GLP2R: variants seen among roughly 807,000 people sequenced by gnomAD.
The protein encoded by GLP2R is glucagon like peptide 2 receptor, also known as glucagon-like peptide 2 receptor.
Under a neutral mutation model 68.2 loss-of-function variants are expected in GLP2R, and 59 were observed. The ratio of observed to expected loss-of-function variants is 0.87; its 90% CI spans 0.70 to 1.07. The LOEUF (loss-of-function observed/expected upper bound fraction) is 1.07. GLP2R is among the 50% of genes least tolerant of loss of function. The pLI, the probability that GLP2R is intolerant of heterozygous loss-of-function variation, is 0.00. For missense variants in GLP2R, 548 were observed against 677.4 expected, an observed-to-expected ratio of 0.81 and a Z score of 2.12; for synonymous variants, 270 against 265.4, an observed-to-expected ratio of 1.02 and a Z score of -0.17.
intron 4 of GLP2R, among the ~76,000 whole-genome samples, chr17:9,854,201 G>A (rs940668): frequency 0.91 from 138,578 of 152,260 alleles, 63,334 homozygotes; most frequent in East Asian, 1. Context: ...TGTTCTGAAC[G>A]CAATTCCTTT....
At chr17:9,867,511 A>G (rs555097141) in intron 9 of GLP2R, among the ~76,000 whole-genome samples, 1 of 152,302 alleles carries the variant, frequency 6.6e-6, no homozygotes, top group South Asian at 2.1e-4. Context: ...CTTTCTTTGT[A>G]TAAGACTTCA....
At chr17:9,845,693 C>T (rs111922124) in intron 4 of GLP2R, among the ~76,000 whole-genome samples, 1,623 of 151,728 alleles carry the variant, frequency 0.011, 15 homozygotes, top group Non-Finnish European at 0.015. Flanking sequence ...TTTTTGGTGT[C>T]TGTGATGGTA....
chr17:9,872,586 A>G (rs1429837245), intron 10 of GLP2R, among the ~76,000 whole-genome samples: 1 of 152,178 alleles, frequency 6.6e-6, no homozygotes. Flanking sequence ...TCAAAAACAA[A>G]CAAACAAAAA....
chr17:9,834,650 C>T (rs2066710756), intron 2 of GLP2R: 1 of 152,402 alleles, frequency 6.6e-6, no homozygotes, highest in Admixed American at 6.5e-5. Flanking sequence ...CCGGCTCCGG[C>T]TGCTTTCAGA....
At chr17:9,872,547 G>A (rs986134494) in intron 10 of GLP2R, among the ~76,000 whole-genome samples, 3 of 152,110 alleles carry the variant, frequency 2.0e-5, no homozygotes, top group African/African-American at 7.2e-5. Context: ...ATTGTACTCC[G>A]GCCTGGGTGA....
chr17:9,870,342 G>A (rs1052795199), intron 9 of GLP2R, among the ~76,000 whole-genome samples: 3 of 152,176 alleles, frequency 2.0e-5, no homozygotes, highest in Non-Finnish European at 4.4e-5. Flanking sequence ...ATGGTGCTAA[G>A]TACTAAGTGA....
chr17:9,881,450 G>A lies in GLP2R; in HGVS notation c.1284+934G>A, dbSNP rs957711886. On this transcript the variant is annotated intron_variant, in intron 11 of 12. Transcript: ENST00000262441. ...GGCTGGAGTGCAGTGGCGGGATCTC[G>A]GCTCACTGCAAGCTCCGCCTCCCGG... Among the ~76,000 whole-genome samples the A allele has an allele frequency of 2.8e-5, 4 of 141,788 alleles. No individual in the cohort carries two copies. The South Asian group carries it at 8.8e-4, about 31-fold the overall frequency. The allele number at this position is 141,788 out of a possible 152,430, so 93.0% of individuals were successfully genotyped here. A position where few individuals can be genotyped will look rare whatever the true frequency, so the allele number is the denominator to read the frequency against.
At chr17:9,845,754 T>C (rs868046551) in intron 4 of GLP2R, among the ~76,000 whole-genome samples, 1 of 89,312 alleles carries the variant, frequency 1.1e-5, no homozygotes, top group African/African-American at 9.2e-5. Flanking sequence ...TGTGCGTGTG[T>C]GTGTGTGTGT....
chr17:9,860,717 A>G (rs1231942586), intron 7 of GLP2R, among the ~76,000 whole-genome samples: 1 of 152,182 alleles, frequency 6.6e-6, no homozygotes, highest in Non-Finnish European at 1.5e-5. Context: ...GGACACCTAC[A>G]TTTAGTCCAT....
In GLP2R at chr17:9,891,842, A is replaced by G. The variant is rs375854351; in HGVS notation, c.*2137A>G. ...TCCTAGAAAGCTGGGGTCATCTCGT[A>G]TTCCCAGCAAGTACCCAGCACAGTG... On this transcript the variant is annotated 3_prime_UTR_variant, in exon 13 of 13. Transcript: ENST00000262441. The G allele has an allele frequency of 2.0e-5, 3 of 152,276 alleles. No homozygotes were observed. The highest frequency in any genetic ancestry group is 1.3e-4 in the Admixed American group (2 of 15,290). 9.4% of individuals were successfully genotyped at this position (152,276 alleles called of 1,614,324 possible). A position where few individuals can be genotyped will look rare whatever the true frequency, so the allele number is the denominator to read the frequency against.
At chr17:9,869,402 AC>A (rs1296484532) in intron 9 of GLP2R, among the ~76,000 whole-genome samples, 1 of 151,808 alleles carries the variant, frequency 6.6e-6, no homozygotes, top group Non-Finnish European at 1.5e-5. Flanking sequence ...GCAGAAACGG[AC>A]CCCCCTCTCC....
At chr17:9,849,036 CATAT>C (rs1165110850) in intron 4 of GLP2R, among the ~76,000 whole-genome samples, 1 of 134,634 alleles carries the variant, frequency 7.4e-6, no homozygotes, top group Non-Finnish European at 1.6e-5. Context: ...TTAATACATA[CATAT>C]GAATTCATAT....
chr17:9,853,922 T>A (rs1443142456), intron 4 of GLP2R, among the ~76,000 whole-genome samples: 1 of 152,136 alleles, frequency 6.6e-6, no homozygotes, highest in Admixed American at 6.5e-5. Context: ...CCAAAATCTC[T>A]CATGAACATA....
chr17:9,857,915 A>G (rs539586608), intron 6 of GLP2R, among the ~76,000 whole-genome samples: 21 of 152,308 alleles, frequency 1.4e-4, no homozygotes, highest in African/African-American at 4.8e-4. Flanking sequence ...AATTTAACCA[A>G]CTGGGGATAG....
chr17:9,881,793 A>G (rs2067198886), intron 11 of GLP2R, among the ~76,000 whole-genome samples: 1 of 152,206 alleles, frequency 6.6e-6, no homozygotes, highest in Non-Finnish European at 1.5e-5. Flanking sequence ...GCACTGCACA[A>G]AGGCATGAAT....
At position 9,852,455 on chromosome 17, in the gene GLP2R, T is replaced by C. The variant is rs536149755; in HGVS notation, c.505-2040T>C. Among the ~76,000 whole-genome samples, 7 of 152,350 alleles carry C rather than the reference T, an allele frequency of 4.6e-5. No individual in the cohort carries two copies. The South Asian group carries it at 1.4e-3, about 32-fold the overall frequency. ...CATGGTGTATATGTGCCACATTTTC[T>C]TTATCCAATCTATAGCATTCTTATA... On this transcript the variant is annotated intron_variant, in intron 4 of 12. Coordinates refer to ENST00000262441, the MANE Select transcript of GLP2R (RefSeq NM_004246.3).
intron 5 of GLP2R, 35 bp downstream of exon 5, chr17:9,854,636 G>A: frequency 8.3e-7 from 1 of 1,198,914 alleles, no homozygotes; most frequent in Non-Finnish European, 1.2e-6. Flanking sequence ...TGTTCGGGCA[G>A]GTATAGTAGC....
chr17:9,854,687 A>T, intron 5 of GLP2R, 86 bp downstream of exon 5: 1 of 815,948 alleles, frequency 1.2e-6, no homozygotes. Flanking sequence ...GAGTTCCAGT[A>T]GATGCCTGAA....
chr17:9,855,413 C>T (rs765769273), intron 5 of GLP2R, among the ~76,000 whole-genome samples: 6 of 152,192 alleles, frequency 3.9e-5, no homozygotes, highest in Non-Finnish European at 7.3e-5. Flanking sequence ...TAGACACCTG[C>T]TGTGCGCCCG....
Sources: allele counts gnomAD v4.1 joint callset (sites outside exome capture counted in the v4.1 genomes callset), GRCh38; gene constraint gnomAD v4.1.1; transcripts MANE v1.5; gene names NCBI Gene and HGNC (gene_info 2026-07-23, HGNC 2026-07-21).